MAD1L1: variants seen among roughly 807,000 people sequenced by gnomAD.
MAD1L1 encodes the protein mitotic arrest deficient 1 like 1.
In MAD1L1, 95 loss-of-function variants were observed where a neutral mutation model predicts 96.9. The ratio of observed to expected loss-of-function variants is 0.98; its 90% CI spans 0.83 to 1.16. The LOEUF (loss-of-function observed/expected upper bound fraction) is 1.16, where lower values mean the gene tolerates loss of function less well. Among genes scored for constraint, MAD1L1 ranks in the 50% most tolerant of loss-of-function variants. MAD1L1 has a pLI of 0.00. For missense variants in MAD1L1, 1,007 were observed against 954.4 expected (o/e 1.06, Z -0.73); for synonymous variants, 473 against 396.6 (o/e 1.19, Z -2.29).
intron 12 of MAD1L1, among the ~76,000 whole-genome samples, chr7:2,021,317 T>C (rs576298651): frequency 3.9e-4 from 60 of 152,170 alleles, no homozygotes; most frequent in Non-Finnish European, 6.8e-4. Context: ...AGCCCTTCAT[T>C]ATCAACCAAG....
At chr7:1,927,079 C>T (rs1045814286) in intron 17 of MAD1L1, among the ~76,000 whole-genome samples, 6 of 152,284 alleles carry the variant, frequency 3.9e-5, no homozygotes, top group South Asian at 2.1e-4. Context: ...TCTACACACA[C>T]GCACTGAACA....
chr7:1,931,513 C>T (rs976831464), intron 17 of MAD1L1, among the ~76,000 whole-genome samples: 1 of 152,236 alleles, frequency 6.6e-6, no homozygotes, highest in Non-Finnish European at 1.5e-5. Context: ...CCACCATGTT[C>T]ACCTCTCAGC....
intron 18 of MAD1L1, among the ~76,000 whole-genome samples, chr7:1,840,035 G>A (rs1041108019): frequency 2.6e-5 from 4 of 152,212 alleles, no homozygotes; most frequent in Non-Finnish European, 2.9e-5. Flanking sequence ...CCAGCACGGC[G>A]GGCATTCCAC....
At chr7:1,867,893 G>A (rs557264691) in intron 18 of MAD1L1, among the ~76,000 whole-genome samples, 24 of 152,358 alleles carry the variant, frequency 1.6e-4, no homozygotes, top group African/African-American at 5.8e-4. Flanking sequence ...TCCCTGCCCA[G>A]ATGAGAGCCA....
rs142958087 is a variant in MAD1L1 at position 1,883,850 on chromosome 7, C to T, written c.1998+14350G>A. On this transcript the variant is annotated intron_variant, in intron 18 of 18. Coordinates refer to ENST00000265854, the MANE Select transcript of MAD1L1 (RefSeq NM_001013836.2). ...CCAGCTCCGAGTTCCAGGACTCGAC[C>T]GGAGCAGGAGCCTCGAGCGAAGCTG... is the stretch of plus-strand genomic sequence containing the variant. 1.4e-3 allele frequency among the ~76,000 whole-genome samples: 210 copies of T among 152,292 alleles called. 1 individual carries two copies. Among genetic ancestry groups the T allele is most frequent in the African/African-American group, 4.8e-3 (201 of 41,558 alleles).
rs1554300324 is a variant in MAD1L1 at position 1,938,987 on chromosome 7, G to GCGCACACACACGCACACACACA, written c.1597-2112_1597-2091dup. On this transcript the variant is annotated intron_variant, in intron 16 of 18. Coordinates refer to ENST00000265854, the MANE Select transcript of MAD1L1 (RefSeq NM_001013836.2). Reference sequence around the variant, plus strand: ...ACACGGGCCAGGGCCGGGACCAGAGGCGCACACACACGCACACACACACAC... The same window carrying GCGCACACACACGCACACACACA: ...ACACGGGCCAGGGCCGGGACCAGAGGCGCACACACACGCACACACACACGCACACACACGCACACACACACAC... 5.0e-3 allele frequency among the ~76,000 whole-genome samples: 595 copies of GCGCACACACACGCACACACACA among 119,250 alleles called. 13 individuals are homozygous for GCGCACACACACGCACACACACA. The highest frequency in any genetic ancestry group is 0.018 in the African/African-American group (540 of 30,116). The allele number at this position is 119,250 out of a possible 152,430, so 78.2% of individuals were successfully genotyped here.
At chr7:1,998,746 C>T (rs1002940557) in intron 14 of MAD1L1, among the ~76,000 whole-genome samples, 31 of 151,370 alleles carry the variant, frequency 2.0e-4, no homozygotes, top group Non-Finnish European at 3.8e-4. Flanking sequence ...CAACCCCCCG[C>T]CAAGCCCCCA....
chr7:1,957,532 C>A (rs747972191), intron 16 of MAD1L1, 97 bp downstream of exon 16: 8 of 1,189,404 alleles, frequency 6.7e-6, no homozygotes, highest in East Asian at 2.3e-5. Context: ...AGCCAGAAAA[C>A]GGGTGTTCTG....
At chr7:2,056,301 G>A (rs891621743) in intron 12 of MAD1L1, among the ~76,000 whole-genome samples, 5 of 152,202 alleles carry the variant, frequency 3.3e-5, no homozygotes, top group Non-Finnish European at 5.9e-5. Context: ...CGATCATGAA[G>A]CCTCAGACCT....
In MAD1L1 at chr7:2,146,792, A is replaced by G. The variant is rs1411139717; in HGVS notation, c.1073+2360T>C. Among the ~76,000 whole-genome samples the G allele has an allele frequency of 6.6e-6, 1 of 152,200 alleles. No individual in the cohort carries two copies. The highest frequency in any genetic ancestry group is 1.5e-5 in the Non-Finnish European group (1 of 68,024). On this transcript the variant is annotated intron_variant, in intron 11 of 18. Coordinates refer to ENST00000265854, the MANE Select transcript of MAD1L1 (RefSeq NM_001013836.2). The surrounding 1 kb of genome is among the most constrained non-coding windows in gnomAD (Gnocchi z 6.2). ...TCTGAATTTCTGTCCAACTGCCTGT[A>G]AGAGACTTGTAGAAATGTGCTCAGC...
intron 14 of MAD1L1, among the ~76,000 whole-genome samples, chr7:1,992,260 C>T (rs564947104): frequency 8.5e-5 from 13 of 152,366 alleles, no homozygotes; most frequent in Non-Finnish European, 1.0e-4. Flanking sequence ...CCCATTTACA[C>T]TCACGGAGGA....
intron 15 of MAD1L1, among the ~76,000 whole-genome samples, chr7:1,964,198 G>A (rs144641299): frequency 6.6e-6 from 1 of 152,298 alleles, no homozygotes; most frequent in Non-Finnish European, 1.5e-5. Context: ...ACATGGTGGG[G>A]GCCTCCAAGG....
chr7:1,983,333 G>A (rs966776795), intron 14 of MAD1L1, among the ~76,000 whole-genome samples: 4 of 152,174 alleles, frequency 2.6e-5, no homozygotes, highest in African/African-American at 9.7e-5. Flanking sequence ...CATGAAACTG[G>A]CTTGGCCTGA....
chr7:1,989,755 G>T (rs111530032), intron 14 of MAD1L1, among the ~76,000 whole-genome samples: 3 of 152,176 alleles, frequency 2.0e-5, no homozygotes, highest in Admixed American at 1.3e-4. Flanking sequence ...CAGCCCCAGC[G>T]TGGCCCGGCT....
intron 17 of MAD1L1, among the ~76,000 whole-genome samples, chr7:1,924,782 T>C (rs948158499): frequency 2.4e-4 from 36 of 152,130 alleles, no homozygotes; most frequent in African/African-American, 8.2e-4. Context: ...GTTTTCCACA[T>C]ATAGAGAGTA....
chr7:1,922,406 G>A (rs966512957), intron 17 of MAD1L1, among the ~76,000 whole-genome samples: 4 of 152,188 alleles, frequency 2.6e-5, no homozygotes, highest in Non-Finnish European at 5.9e-5. Context: ...TTTTAATTTC[G>A]GTTTCCACAT....
At chr7:1,850,092 G>A (rs1487745513) in intron 18 of MAD1L1, among the ~76,000 whole-genome samples, 1 of 152,198 alleles carries the variant, frequency 6.6e-6, no homozygotes. Context: ...TCTGTGAGGC[G>A]TTTGTTCTCA....
At chr7:1,983,311 G>A (rs1781011822) in intron 14 of MAD1L1, among the ~76,000 whole-genome samples, 1 of 152,178 alleles carries the variant, frequency 6.6e-6, no homozygotes, top group Non-Finnish European at 1.5e-5. Flanking sequence ...TGAAGATCTG[G>A]TAGAATTTTC....
At chr7:2,040,217 C>T (rs765073763) in intron 12 of MAD1L1, among the ~76,000 whole-genome samples, 17 of 152,218 alleles carry the variant, frequency 1.1e-4, no homozygotes, top group Non-Finnish European at 2.4e-4. Context: ...AAGAGAAACA[C>T]AGACAACCTG....
Sources: gnomAD v4.1 joint callset for allele counts (sites outside exome capture counted in the v4.1 genomes callset) on GRCh38, gnomAD v4.1.1 for gene constraint, Gnocchi (gnomAD v3.1) non-coding constraint, MANE v1.5 for transcripts, NCBI Gene and HGNC (gene_info 2026-07-23, HGNC 2026-07-21) for gene names.